The following SPPL2A variants were observed in gnomAD, a reference collection of about 807,000 sequenced individuals.
SPPL2A encodes the protein signal peptide peptidase like 2A.
In SPPL2A, 51 loss-of-function variants were observed where a neutral mutation model predicts 63.8. That is an observed-to-expected ratio of 0.80 (90% CI 0.64 to 1.01). The LOEUF is 1.01. SPPL2A is among the 50% of genes least tolerant of loss of function. The probability of loss-of-function intolerance (pLI) is 0.00; values close to 1 mark genes in which losing one functional copy is unlikely to be tolerated. For missense variants in SPPL2A, 553 were observed against 622.7 expected (o/e 0.89, Z 1.19); for synonymous variants, 188 against 205.8 (o/e 0.91, Z 0.74).
At position 50,736,742 on chromosome 15, in the gene SPPL2A, TG is replaced by T; in HGVS notation, c.734-3del. Reference sequence around the variant, plus strand: ...AGAAAATTGCTATCATAACATAAACTGAAAAAAACAAAACACTAAATTACAT... The same window carrying T: ...AGAAAATTGCTATCATAACATAAACTAAAAAAACAAAACACTAAATTACAT... On this transcript the variant is annotated splice_polypyrimidine_tract_variant and splice_region_variant and intron_variant, in intron 6 of 14. Coordinates refer to ENST00000261854, the MANE Select transcript of SPPL2A (RefSeq NM_032802.4). The T allele has an allele frequency of 6.5e-7, 1 of 1,531,324 alleles. No homozygotes were observed. The highest frequency in any genetic ancestry group is 2.3e-5 in the East Asian group (1 of 44,338). 94.9% of individuals were successfully genotyped at this position (1,531,324 alleles called of 1,614,324 possible). A position where few individuals can be genotyped will look rare whatever the true frequency, so the allele number is the denominator to read the frequency against.
At chr15:50,744,748 A>G (rs1442254888) in intron 5 of SPPL2A, among the ~76,000 whole-genome samples, 1 of 152,138 alleles carries the variant, frequency 6.6e-6, no homozygotes, top group Non-Finnish European at 1.5e-5. Context: ...AAACTGGCAG[A>G]AAGTTGAAAT....
chr15:50,718,959 A>G (rs925640004), intron 14 of SPPL2A, among the ~76,000 whole-genome samples: 1 of 152,138 alleles, frequency 6.6e-6, no homozygotes, highest in Admixed American at 6.6e-5. Context: ...ACTGCCTCAC[A>G]AAGTGCCTTC....
intron 1 of SPPL2A, among the ~76,000 whole-genome samples, chr15:50,758,603 T>C (rs538829727): frequency 1.3e-5 from 2 of 152,062 alleles, no homozygotes; most frequent in South Asian, 2.1e-4. Flanking sequence ...GCTGCAATTA[T>C]AGGCGTGAGC....
chr15:50,748,949 G>A (rs2062882792), intron 2 of SPPL2A, 79 bp from the exon 3 acceptor site: 1 of 824,768 alleles, frequency 1.2e-6, no homozygotes, highest in African/African-American at 1.8e-5. Flanking sequence ...TACTGCCTTT[G>A]GTTATCAATA....
At chr15:50,721,369 T>C (rs1006857734) in intron 13 of SPPL2A, among the ~76,000 whole-genome samples, 1 of 151,982 alleles carries the variant, frequency 6.6e-6, no homozygotes, top group African/African-American at 2.4e-5. Flanking sequence ...TTTTTGAATT[T>C]CTTTATACTT....
At chr15:50,758,304 A>G (rs28744467) in intron 1 of SPPL2A, among the ~76,000 whole-genome samples, 2 of 151,058 alleles carry the variant, frequency 1.3e-5, no homozygotes, top group African/African-American at 2.4e-5. Flanking sequence ...AAAAAAAAGA[A>G]CAATTTTAAT....
At chr15:50,730,308 C>T (rs971148857) in intron 10 of SPPL2A, among the ~76,000 whole-genome samples, 4 of 152,086 alleles carry the variant, frequency 2.6e-5, no homozygotes, top group Non-Finnish European at 4.4e-5. Context: ...ATGGAAAAAG[C>T]CAGTCTGAGA....
intron 10 of SPPL2A, among the ~76,000 whole-genome samples, chr15:50,727,031 A>G (rs1051547987): frequency 6.6e-6 from 1 of 152,060 alleles, no homozygotes; most frequent in Non-Finnish European, 1.5e-5. Flanking sequence ...GCCTGGATAA[A>G]GTCTTTTTAT....
intron 10 of SPPL2A, among the ~76,000 whole-genome samples, chr15:50,729,931 AGGAGTTTG>A (rs2062717782): frequency 6.6e-6 from 1 of 151,356 alleles, no homozygotes; most frequent in Non-Finnish European, 1.5e-5. Context: ...GCTTGAGCCC[AGGAGTTTG>A]AGGCTGCAGT....
At chr15:50,755,042 G>A (rs906752670) in intron 1 of SPPL2A, among the ~76,000 whole-genome samples, 3 of 151,736 alleles carry the variant, frequency 2.0e-5, no homozygotes. Context: ...ATTCGGGGCC[G>A]GGCATGGTGG....
At chr15:50,761,669 C>A (rs1417412520) in intron 1 of SPPL2A, among the ~76,000 whole-genome samples, 1 of 152,088 alleles carries the variant, frequency 6.6e-6, no homozygotes, top group Non-Finnish European at 1.5e-5. Flanking sequence ...AGAGCGGTGG[C>A]TCACGCCTGT....
chr15:50,736,096 C>T lies in SPPL2A; in HGVS notation c.932+5G>A, dbSNP rs1178667012. On this transcript the variant is annotated splice_donor_5th_base_variant and intron_variant, in intron 8 of 14. Coordinates refer to ENST00000261854, the MANE Select transcript of SPPL2A (RefSeq NM_032802.4). ...TCTAAAAGCAAATACATTGAGTATT[C>T]ATACCTGTCTTCATTTCGAAACACA... 6.5e-7 allele frequency: 1 copy of T among 1,538,770 alleles called. No homozygotes were observed. Among genetic ancestry groups the T allele is most frequent in the Admixed American group, 1.7e-5 (1 of 59,872 alleles).
rs1181634485 is a variant in SPPL2A, at chr15:50,748,867, A to G, written c.181T>C (p.Ser61Pro). 6.4e-7 allele frequency: 1 copy of G among 1,561,166 alleles called. No individual in the cohort carries two copies. The highest frequency in any genetic ancestry group is 1.4e-5 in the African/African-American group (1 of 71,710). ...GAAGTCAGATTCATCAAACTAATGG[A>G]AGTCTGAAAATAAGAAATGTCTTTT... is the stretch of plus-strand genomic sequence containing the variant. ...ALPSTLENAT[S>P]ISLMNLTSTP... is the part of the protein sequence containing the mutation. The change falls in exon 3 of 15, where the codon TCC becomes CCC. Residue 61 changes from serine to proline, a missense_variant. Physicochemically the swap from Ser to Pro is moderately conservative, Grantham distance 74. Transcript: ENST00000261854.
chr15:50,744,092 T>C (rs768176408), intron 5 of SPPL2A, among the ~76,000 whole-genome samples: 1 of 151,842 alleles, frequency 6.6e-6, no homozygotes, highest in African/African-American at 2.4e-5. Flanking sequence ...GGCAGGAGAA[T>C]TGCTTGAACC....
At chr15:50,751,957 A>T (rs1429707982) in intron 1 of SPPL2A, among the ~76,000 whole-genome samples, 1 of 152,000 alleles carries the variant, frequency 6.6e-6, no homozygotes, top group Non-Finnish European at 1.5e-5. Flanking sequence ...CAGCCTCCTG[A>T]GTAGCTGGGA....
intron 5 of SPPL2A, among the ~76,000 whole-genome samples, chr15:50,744,298 CA>C (rs1477462456): frequency 6.6e-6 from 1 of 152,014 alleles, no homozygotes; most frequent in Non-Finnish European, 1.5e-5. Flanking sequence ...GTTTAAAGCT[CA>C]ATGCTCCAGG....
intron 1 of SPPL2A, 60 bp downstream of exon 1, chr15:50,765,408 G>A (rs2063050622): frequency 7.3e-7 from 1 of 1,367,562 alleles, no homozygotes; most frequent in Admixed American, 2.5e-5. Flanking sequence ...AGGGAGCCCC[G>A]GCCTTGGCCC....
At chr15:50,761,290 T>G (rs147775150) in intron 1 of SPPL2A, among the ~76,000 whole-genome samples, 1 of 152,052 alleles carries the variant, frequency 6.6e-6, no homozygotes. Flanking sequence ...TGAGGAAGAC[T>G]CAGGATTCTT....
Position 50,707,498 on chromosome 15 carries a change from T to A in SPPL2A, c.*302A>T. ...ACCATCAGAGCTGAAAGAAACAGAT[T>A]TCGTTAAAAAAAAGTATAGGGGTGG... On this transcript the variant is annotated 3_prime_UTR_variant, in exon 15 of 15. Transcript: ENST00000261854. 1 of 233,900 alleles carries A rather than the reference T, an allele frequency of 4.3e-6. No homozygotes were observed. The highest frequency in any genetic ancestry group is 8.2e-6 in the Non-Finnish European group (1 of 121,548). 14.5% of individuals were successfully genotyped at this position (233,900 alleles called of 1,614,324 possible).
Sources: gnomAD v4.1 joint callset for allele counts (sites outside exome capture counted in the v4.1 genomes callset) on GRCh38, gnomAD v4.1.1 for gene constraint, MANE v1.5 for transcripts, NCBI Gene and HGNC (gene_info 2026-07-23, HGNC 2026-07-21) for gene names.